BPTF: variants seen among roughly 807,000 people sequenced by gnomAD.
BPTF encodes nucleosome-remodeling factor subunit BPTF.
A neutral mutation model predicts 292.5 loss-of-function variants in BPTF; 18 were observed. The observed-to-expected ratio is 0.06, with a 90% CI of 0.04 to 0.09. The LOEUF is 0.09. BPTF is among the 10% of genes least tolerant of loss of function. The probability of loss-of-function intolerance (pLI) is 1.00; values close to 1 mark genes in which losing one functional copy is unlikely to be tolerated. For missense variants in BPTF, 2,726 were observed against 3,498.7 expected (o/e 0.78, Z 5.57); for synonymous variants, 1,225 against 1,251.9 (o/e 0.98, Z 0.45).
rs1279580033 is a variant in BPTF at position 67,918,835 on chromosome 17, A to G, written c.5425A>G (p.Thr1809Ala). 6.2e-7 allele frequency: 1 copy of G among 1,613,038 alleles called. No homozygotes were observed. The highest frequency in any genetic ancestry group is 8.5e-7 in the Non-Finnish European group (1 of 1,179,288). ...KAPPGGGTTR[T>A]ETSETEITTT... is the part of the protein sequence containing the mutation. ...TCCTCCAGGAGGAGGGACTACACGG[A>G]CAGGTAAGGGGGAAGGGAGTTATTT... Residue 1809 changes from threonine to alanine, a missense_variant, in exon 12 of 28, where the codon ACA becomes GCA. Coordinates refer to ENST00000306378, the MANE Select transcript of BPTF (RefSeq NM_182641.4).
At chr17:67,875,413 A>G in intron 4 of BPTF, 1 of 487,656 alleles carries the variant, frequency 2.1e-6, no homozygotes, top group Non-Finnish European at 3.5e-6. Context: ...TTGCAGCAAT[A>G]TCCGAGAATC....
chr17:67,883,531 CTTTCT>C lies in BPTF; in HGVS notation c.1865-8307_1865-8303del, dbSNP rs1172043150. On this transcript the variant is annotated intron_variant, in intron 4 of 27. Coordinates refer to ENST00000306378, the MANE Select transcript of BPTF (RefSeq NM_182641.4). ...TCCTTCTCTCTCTAGGTAACCATGT[CTTTCT>C]TTTCTAAGTAGCCATTTTTATTGGT... Among the ~76,000 whole-genome samples the C allele has an allele frequency of 2.6e-5, 4 of 152,054 alleles. No individual in the cohort carries two copies. In the East Asian group the frequency reaches 7.7e-4, roughly 29 times the overall value.
At chr17:67,972,278 C>T (rs1208751127) in intron 26 of BPTF, among the ~76,000 whole-genome samples, 1 of 152,050 alleles carries the variant, frequency 6.6e-6, no homozygotes, top group African/African-American at 2.4e-5. Flanking sequence ...CTCTGTCACC[C>T]AGGCTGGAGT....
chr17:67,968,654 G>A (rs992258561), intron 26 of BPTF, among the ~76,000 whole-genome samples: 7 of 151,096 alleles, frequency 4.6e-5, no homozygotes, highest in Non-Finnish European at 8.8e-5. Flanking sequence ...CGGGTGTGGT[G>A]GCGGGCACCT....
chr17:67,929,879 G>A (rs1252363008), intron 17 of BPTF, among the ~76,000 whole-genome samples: 2 of 152,178 alleles, frequency 1.3e-5, no homozygotes, highest in East Asian at 3.9e-4. Context: ...ACTTTGGGAG[G>A]CCAAGGCGGG....
chr17:67,853,318 T>C (rs1226788252), intron 1 of BPTF, among the ~76,000 whole-genome samples: 1 of 152,180 alleles, frequency 6.6e-6, no homozygotes, highest in African/African-American at 2.4e-5. Flanking sequence ...ACTTTTCTTT[T>C]CCCCCAGCAT....
At position 67,909,716 on chromosome 17, in the gene BPTF, C is replaced by A; in HGVS notation, c.2947C>A (p.Gln983Lys). The A allele has an allele frequency of 3.1e-6, 5 of 1,588,832 alleles. No individual in the cohort carries two copies. The highest frequency in any genetic ancestry group is 4.3e-6 in the Non-Finnish European group (5 of 1,170,962). Residue 983 changes from glutamine to lysine, a missense_variant, in exon 10 of 28, where the codon CAA becomes AAA. Physicochemically the swap from Gln to Lys is moderately conservative, Grantham distance 53 (BLOSUM62 1). Coordinates refer to ENST00000306378, the MANE Select transcript of BPTF (RefSeq NM_182641.4). ...KGSDAAKGADQNEMDISKITE... is the reference protein window; with the variant it reads ...KGSDAAKGADKNEMDISKITE... ...TTCAGATGCTGCAAAAGGAGCAGAC[C>A]AAAATGAAATGGATATCTCAAAGAT... is the stretch of plus-strand genomic sequence containing the variant.
At chr17:67,848,680 T>A (rs1267497952) in intron 1 of BPTF, among the ~76,000 whole-genome samples, 1 of 152,210 alleles carries the variant, frequency 6.6e-6, no homozygotes, top group East Asian at 1.9e-4. Context: ...GTTGACCAGT[T>A]CATCCGAACA....
intron 4 of BPTF, among the ~76,000 whole-genome samples, chr17:67,888,209 AC>A (rs1475592470): frequency 6.6e-6 from 1 of 152,018 alleles, no homozygotes; most frequent in African/African-American, 2.4e-5. Context: ...ACAACTTAAA[AC>A]TTTTTCAAAA....
chr17:67,826,723 G>A (rs1336997261), intron 1 of BPTF, among the ~76,000 whole-genome samples: 2 of 152,000 alleles, frequency 1.3e-5, no homozygotes, highest in Non-Finnish European at 2.9e-5. Flanking sequence ...TGGAATGAAA[G>A]AAGCCTCTTG....
intron 12 of BPTF, 71 bp from the exon 13 acceptor site, chr17:67,919,944 C>T: frequency 6.9e-7 from 1 of 1,451,444 alleles, no homozygotes; most frequent in Non-Finnish European, 9.4e-7. Flanking sequence ...TTTTTGAAAG[C>T]ACCAGATGTA....
chr17:67,956,145 C>T (rs1448084363), intron 23 of BPTF: 1 of 151,130 alleles, frequency 6.6e-6, no homozygotes, highest in Non-Finnish European at 1.5e-5. Context: ...GGTGAAACCC[C>T]GTCTCTACTA....
intron 26 of BPTF, chr17:67,974,534 G>A (rs2069162870): frequency 6.6e-6 from 1 of 152,286 alleles, no homozygotes; most frequent in South Asian, 2.1e-4. Flanking sequence ...CCCCTCTTCA[G>A]ATGCCGGTCG....
chr17:67,949,652 T>C (rs111572403), intron 23 of BPTF, among the ~76,000 whole-genome samples: 35 of 94,860 alleles, frequency 3.7e-4, no homozygotes, highest in African/African-American at 1.0e-3. Context: ...TATATATATA[T>C]ACACACAGAC....
At position 67,980,016 on chromosome 17, in the gene BPTF, GA is replaced by G. The variant is rs1189368135; in HGVS notation, c.8727-2235del. Among the ~76,000 whole-genome samples the G allele has an allele frequency of 6.0e-5, 9 of 150,438 alleles. No homozygotes were observed. The South Asian group carries it at 8.5e-4, about 14-fold the overall frequency. ...CACTACACTCTAGCCTGGGCAACAA[GA>G]GTGAGACTCCGTCTGAAAACAAACA... On this transcript the variant is annotated intron_variant, in intron 27 of 27. Coordinates refer to ENST00000306378, the MANE Select transcript of BPTF (RefSeq NM_182641.4).
At chr17:67,878,265 A>G (rs1017427490) in intron 4 of BPTF, among the ~76,000 whole-genome samples, 1 of 152,184 alleles carries the variant, frequency 6.6e-6, no homozygotes, top group Non-Finnish European at 1.5e-5. Context: ...ATATTCCATT[A>G]TATAGATATG....
Position 67,869,661 on chromosome 17 carries a change from A to G in BPTF, c.1660+2974A>G, listed in dbSNP as rs550465882. On this transcript the variant is annotated intron_variant, in intron 3 of 27. Coordinates refer to ENST00000306378, the MANE Select transcript of BPTF (RefSeq NM_182641.4). The stretch of plus-strand genomic sequence containing the variant: ...CAATGAGCATGTTATATAGTTCAGT[A>G]TGATTCAGCATGTAATGTACTTTTA... Among the ~76,000 whole-genome samples, 3 of 152,104 alleles carry G rather than the reference A, an allele frequency of 2.0e-5. No individual in the cohort carries two copies. The East Asian group carries it at 5.8e-4, about 29-fold the overall frequency.
chr17:67,915,317 T>G (rs2062911431), intron 11 of BPTF, among the ~76,000 whole-genome samples: 1 of 152,138 alleles, frequency 6.6e-6, no homozygotes, highest in African/African-American at 2.4e-5. Context: ...AAAATGCCCC[T>G]CTATCCTGTG....
At chr17:67,891,710 C>T (rs1661809193) in intron 4 of BPTF, 134 bp from the exon 5 acceptor site, 2 of 507,360 alleles carry the variant, frequency 3.9e-6, no homozygotes, top group South Asian at 6.7e-5. Flanking sequence ...CTTGCTTTGC[C>T]ATTCAAGGGC....
Sources: gnomAD v4.1 joint callset for allele counts (sites outside exome capture counted in the v4.1 genomes callset) on GRCh38, gnomAD v4.1.1 for gene constraint, MANE v1.5 for transcripts, NCBI Gene and HGNC (gene_info 2026-07-23, HGNC 2026-07-21) for gene names.